The following ZNF385D variants were observed in gnomAD, a reference collection of about 807,000 sequenced individuals.
The protein encoded by ZNF385D is zinc finger protein 659.
Under a neutral mutation model 35.8 loss-of-function variants are expected in ZNF385D, and 15 were observed. The ratio of observed to expected loss-of-function variants is 0.42; its 90% CI spans 0.28 to 0.64. ZNF385D has a LOEUF of 0.64. ZNF385D is among the 30% of genes least tolerant of loss of function. The probability of loss-of-function intolerance (pLI) is 0.23; values close to 1 mark genes in which losing one functional copy is unlikely to be tolerated. For synonymous variants in ZNF385D, 212 were observed against 186.8 expected, an observed-to-expected ratio of 1.13 and a Z score of -1.10; for missense variants, 474 against 494.6, an observed-to-expected ratio of 0.96 and a Z score of 0.39.
intron 3 of ZNF385D, among the ~76,000 whole-genome samples, chr3:22,151,426 A>G (rs1396262069): frequency 6.6e-6 from 1 of 152,130 alleles, no homozygotes; most frequent in Non-Finnish European, 1.5e-5. Flanking sequence ...GGAGGTGAAT[A>G]ATTAGAGTTT....
chr3:22,284,240 G>A (rs1701912208), intron 2 of ZNF385D, among the ~76,000 whole-genome samples: 1 of 152,128 alleles, frequency 6.6e-6, no homozygotes, highest in African/African-American at 2.4e-5. Flanking sequence ...TCAGGCTGGA[G>A]TGCAGTGGCG....
intron 2 of ZNF385D, among the ~76,000 whole-genome samples, chr3:22,312,477 G>T (rs1434785604): frequency 2.0e-5 from 3 of 151,908 alleles, no homozygotes; most frequent in East Asian, 3.9e-4. Flanking sequence ...CCTACAGAAT[G>T]GGAGAAAATT....
intron 3 of ZNF385D, among the ~76,000 whole-genome samples, chr3:21,522,886 T>C (rs1708003105): frequency 6.6e-6 from 1 of 152,220 alleles, no homozygotes. Context: ...AAAGTTCTAA[T>C]CCAAAGAGTT....
chr3:22,256,505 G>C (rs1700325520), intron 2 of ZNF385D, among the ~76,000 whole-genome samples: 1 of 151,512 alleles, frequency 6.6e-6, no homozygotes, highest in Non-Finnish European at 1.5e-5. Flanking sequence ...TCCAATTTGA[G>C]TATTAACTCT....
chr3:22,146,615 T>C (rs1704872588), intron 3 of ZNF385D, among the ~76,000 whole-genome samples: 1 of 152,120 alleles, frequency 6.6e-6, no homozygotes, highest in African/African-American at 2.4e-5. Context: ...GATCTTTGCC[T>C]GCAAAAATAA....
At chr3:21,512,461 G>A (rs753532456) in intron 3 of ZNF385D, among the ~76,000 whole-genome samples, 3 of 152,002 alleles carry the variant, frequency 2.0e-5, no homozygotes, top group South Asian at 2.1e-4. Flanking sequence ...TGATAACTAG[G>A]GTGTTGCAAT....
chr3:21,560,133 TACCC>T (rs2062886779), intron 3 of ZNF385D, among the ~76,000 whole-genome samples: 1 of 152,196 alleles, frequency 6.6e-6, no homozygotes, highest in African/African-American at 2.4e-5. Flanking sequence ...AGTTTGTTAT[TACCC>T]ACCTTCTGAA....
At chr3:21,724,477 CAAAAAAAAAAAA>C (rs200803155) in intron 1 of ZNF385D, among the ~76,000 whole-genome samples, 2 of 52,022 alleles carry the variant, frequency 3.8e-5, no homozygotes, top group African/African-American at 3.2e-4. Context: ...AATGGAAAGC[CAAAAAAAAAAAA>C]AAAAAAAAAA....
chr3:22,298,709 CAA>C (rs1168651321), intron 2 of ZNF385D, among the ~76,000 whole-genome samples: 1 of 134,364 alleles, frequency 7.4e-6, no homozygotes. Flanking sequence ...CAACAAAAAC[CAA>C]AAAAAAAAAA....
chr3:21,684,402 CTCCTCT>C (rs1248397668), intron 1 of ZNF385D, among the ~76,000 whole-genome samples: 21 of 75,582 alleles, frequency 2.8e-4, no homozygotes, highest in African/African-American at 5.0e-4. Context: ...CTCTCTCTCT[CTCCTCT>C]CTCTCTCTCT....
intron 3 of ZNF385D, among the ~76,000 whole-genome samples, chr3:22,050,697 G>A (rs2125527804): frequency 6.6e-6 from 1 of 152,218 alleles, no homozygotes; most frequent in African/African-American, 2.4e-5. Flanking sequence ...TTTTTAATGA[G>A]TTAATTTCTC....
chr3:21,798,559 G>A (rs1002554853), intron 3 of ZNF385D, among the ~76,000 whole-genome samples: 7 of 152,122 alleles, frequency 4.6e-5, no homozygotes, highest in Non-Finnish European at 8.8e-5. Context: ...ATCTAATTAG[G>A]TCAGTCCCAC....
rs540818868 is a variant in ZNF385D at position 22,127,245 on chromosome 3, T to G, written c.325+41572A>C. On this transcript the variant is annotated intron_variant, in intron 3 of 5. Coordinates refer to the ZNF385D transcript ENST00000494108. Reference sequence around the variant, plus strand: ...TTTCTGGTTGTTTTGTGGTTTTCACTTTCTTCCTTCCTTCTGTCCTATATT... The same window carrying G: ...TTTCTGGTTGTTTTGTGGTTTTCACGTTCTTCCTTCCTTCTGTCCTATATT... Among the ~76,000 whole-genome samples, 5 of 151,564 alleles carry G rather than the reference T, an allele frequency of 3.3e-5. 1 individual carries two copies. The South Asian group carries it at 1.0e-3, about 32-fold the overall frequency.
Position 21,664,878 on chromosome 3 carries a change from G to A in ZNF385D, c.165+8C>T, listed in dbSNP as rs2066356064. 21 of 1,613,410 alleles carry A rather than the reference G, an allele frequency of 1.3e-5. No homozygotes were observed. In the East Asian group the frequency reaches 4.7e-4, roughly 36 times the overall value. On this transcript the variant is annotated splice_region_variant and intron_variant, in intron 2 of 7. Transcript: ENST00000281523. Reference sequence around the variant, plus strand: ...ACTCAGGCAAAGACAAATTTGGCAGGTACTTACCGCATTGAAATTGGGGAA... The same window carrying A: ...ACTCAGGCAAAGACAAATTTGGCAGATACTTACCGCATTGAAATTGGGGAA...
chr3:21,654,108 A>C lies in ZNF385D; in HGVS notation c.165+10778T>G, dbSNP rs551858290. ...CTTTTACCTTCCATTTAAAAAAAAA[A>C]CTTGAATATAGAAATTAAAAAATAA... On this transcript the variant is annotated intron_variant, in intron 2 of 7. Coordinates refer to ENST00000281523, the MANE Select transcript of ZNF385D (RefSeq NM_024697.3). Among the ~76,000 whole-genome samples, 10 of 152,082 alleles carry C rather than the reference A, an allele frequency of 6.6e-5. 1 individual carries two copies. The South Asian group carries it at 1.7e-3, about 25-fold the overall frequency.
intron 3 of ZNF385D, among the ~76,000 whole-genome samples, chr3:21,858,338 G>C (rs990141612): frequency 6.6e-6 from 1 of 151,902 alleles, no homozygotes; most frequent in Admixed American, 6.6e-5. Context: ...TATGCACAGT[G>C]GACTCTGGTC....
intron 2 of ZNF385D, chr3:21,579,098 A>G (rs1269672224): frequency 6.6e-6 from 1 of 152,172 alleles, no homozygotes; most frequent in Non-Finnish European, 1.5e-5. Flanking sequence ...GTGAATGTCT[A>G]TGATACCTAT....
At chr3:22,295,951 A>G (rs893271821) in intron 2 of ZNF385D, among the ~76,000 whole-genome samples, 4 of 152,176 alleles carry the variant, frequency 2.6e-5, no homozygotes, top group Non-Finnish European at 5.9e-5. Context: ...CGACAAGAAT[A>G]GTTTATGGCA....
At chr3:21,801,522 T>C (rs181228944) in intron 3 of ZNF385D, among the ~76,000 whole-genome samples, 1 of 152,306 alleles carries the variant, frequency 6.6e-6, no homozygotes, top group East Asian at 1.9e-4. Flanking sequence ...TATTTTTAAT[T>C]GTAAACTTCC....
Sources: allele counts gnomAD v4.1 joint callset (sites outside exome capture counted in the v4.1 genomes callset), GRCh38; gene constraint gnomAD v4.1.1; transcripts MANE v1.5; gene names NCBI Gene and HGNC (gene_info 2026-07-23, HGNC 2026-07-21).